Variants in BICRA observed in about 807,000 individuals in gnomAD.
The protein encoded by BICRA is BRD4 interacting chromatin remodeling complex associated protein, also known as BRD4-interacting chromatin-remodeling complex-associated protein.
In BICRA, 31 loss-of-function variants were observed where a neutral mutation model predicts 96.9. The ratio of observed to expected loss-of-function variants is 0.32; its 90% CI spans 0.24 to 0.43. BICRA has a LOEUF of 0.43. Ranked by LOEUF, BICRA falls within the 20% of genes least tolerant of loss-of-function variation. The pLI is 1.00. For synonymous variants in BICRA, 1,350 were observed against 1,071.8 expected (o/e 1.26, Z -5.07); for missense variants, 2,283 against 2,190.3 (o/e 1.04, Z -0.84).
In BICRA at chr19:47,701,582, G is replaced by A. The variant is rs756833296; in HGVS notation, c.3850G>A (p.Asp1284Asn). 3 of 1,554,990 alleles carry A rather than the reference G, an allele frequency of 1.9e-6. No homozygotes were observed. In the South Asian group the frequency reaches 3.6e-5, roughly 18 times the overall value. ...CTCTGCCGCCTCCTCCTTGGACGCC[G>A]ACGAGGACGGCCCCATGCCCTCCCG... is the stretch of plus-strand genomic sequence containing the variant. ...SSSAASSLDA[D>N]EDGPMPSRNR... Residue 1284 changes from aspartate to asparagine, a missense_variant, in exon 15 of 15, where the codon GAC becomes AAC. Coordinates refer to ENST00000594866, the MANE Select transcript of BICRA (RefSeq NM_001394372.1). The surrounding 1 kb of genome is among the most constrained non-coding windows in gnomAD (Gnocchi z 5.4).
At chr19:47,666,198 C>A (rs1193913270) in intron 1 of BICRA, among the ~76,000 whole-genome samples, 1 of 152,212 alleles carries the variant, frequency 6.6e-6, no homozygotes, top group Non-Finnish European at 1.5e-5. Flanking sequence ...GGATGGGAGC[C>A]TCAGAATCAG....
Position 47,680,703 on chromosome 19 carries a change from G to A in BICRA, c.1533G>A (p.Ala511=), listed in dbSNP as rs1373231341. ...AAPHTGGQLI[A]NPILTNQNLA... ...CCCACACAGGTGGACAGCTCATCGC[G>A]AACCCCATCCTCACAAACCAGAACC... Residue 511 remains alanine, a synonymous_variant, in exon 6 of 15, where the codon GCG becomes GCA. Coordinates refer to ENST00000594866, the MANE Select transcript of BICRA (RefSeq NM_001394372.1). 6.2e-7 allele frequency: 1 copy of A among 1,601,216 alleles called. No individual in the cohort carries two copies. Among genetic ancestry groups the A allele is most frequent in the East Asian group, 2.2e-5 (1 of 44,670 alleles).
chr19:47,682,720 G>A (rs1040390171), intron 7 of BICRA, among the ~76,000 whole-genome samples: 4 of 149,016 alleles, frequency 2.7e-5, no homozygotes, highest in African/African-American at 7.5e-5. Context: ...CACCCAGGCT[G>A]GAGTGCAGTG....
chr19:47,633,450 C>CCCTCTGCCTG (rs1972251991), intron 1 of BICRA, among the ~76,000 whole-genome samples: 1 of 151,998 alleles, frequency 6.6e-6, no homozygotes, highest in Non-Finnish European at 1.5e-5. Flanking sequence ...AGTATTCCTC[C>CCCTCTGCCTG]CCTCAGCCTC....
In BICRA at chr19:47,679,700, C is replaced by T; in HGVS notation, c.530C>T (p.Thr177Ile). 6.5e-7 allele frequency: 1 copy of T among 1,533,226 alleles called. No homozygotes were observed. 95.0% of individuals were successfully genotyped at this position (1,533,226 alleles called of 1,614,324 possible). A position where few individuals can be genotyped will look rare whatever the true frequency, so the allele number is the denominator to read the frequency against. Reference protein sequence around the residue: ...LGLQGPPTVLTHQALVPPQDV... With the variant: ...LGLQGPPTVLIHQALVPPQDV... ...CTGCAGGGCCCGCCTACCGTGCTGA[C>T]CCACCAGGCCCTGGTGCCGCCCCAG... Residue 177 changes from threonine (T) to isoleucine (I), a missense_variant, in exon 6 of 15, where the codon ACC becomes ATC. Physicochemically the swap from Thr to Ile is moderately conservative, Grantham distance 89. Transcript: ENST00000594866.
intron 5 of BICRA, 85 bp downstream of exon 5, chr19:47,676,001 G>A: frequency 3.3e-6 from 3 of 917,382 alleles, no homozygotes; most frequent in Non-Finnish European, 3.4e-6. Context: ...GGGAGGCTTG[G>A]GCTCATCTCG....
At chr19:47,638,198 G>GA (rs1289105049) in intron 1 of BICRA, among the ~76,000 whole-genome samples, 1 of 152,032 alleles carries the variant, frequency 6.6e-6, no homozygotes, top group Non-Finnish European at 1.5e-5. Flanking sequence ...AATTTCCAGG[G>GA]AGCCCGGGGT....
At chr19:47,634,856 G>C (rs1398772848) in intron 1 of BICRA, among the ~76,000 whole-genome samples, 1 of 146,232 alleles carries the variant, frequency 6.8e-6, no homozygotes, top group African/African-American at 2.6e-5. Context: ...TCTGCTTCCC[G>C]GGTTTACGCC....
chr19:47,615,358 T>A (rs1328289242), intron 1 of BICRA, among the ~76,000 whole-genome samples: 1 of 152,192 alleles, frequency 6.6e-6, no homozygotes, highest in African/African-American at 2.4e-5. Context: ...CCAGGCAGCA[T>A]CTCCAGGCTG....
chr19:47,611,909 T>A (rs913952647), intron 1 of BICRA, among the ~76,000 whole-genome samples: 3 of 151,858 alleles, frequency 2.0e-5, no homozygotes, highest in African/African-American at 4.8e-5. Context: ...CTCGCTGTGT[T>A]GCCCAGGCTG....
chr19:47,695,597 C>A, intron 10 of BICRA, 123 bp downstream of exon 10: 1 of 622,824 alleles, frequency 1.6e-6, no homozygotes, highest in Non-Finnish European at 2.9e-6. Flanking sequence ...GACCATCAGG[C>A]AGCTGAGACA....
chr19:47,621,170 C>T (rs927413889), intron 1 of BICRA, among the ~76,000 whole-genome samples: 4 of 152,110 alleles, frequency 2.6e-5, no homozygotes, highest in African/African-American at 9.7e-5. Flanking sequence ...GGAGTGGAAG[C>T]CAGACAGGGT....
intron 7 of BICRA, among the ~76,000 whole-genome samples, chr19:47,692,466 G>A (rs1254514862): frequency 1.3e-5 from 2 of 152,084 alleles, no homozygotes; most frequent in African/African-American, 4.8e-5. Context: ...CTGACCTCTG[G>A]TTATCTGCCC....
chr19:47,671,181 T>TG lies in BICRA; in HGVS notation c.-6+643dup, dbSNP rs576866925. ...TCAGCAAATATGCCCCAGCCCACTGTGGGGGGTCCCTGGTCAGGGCTCTTC... is the reference window on the plus strand; with the variant it reads ...TCAGCAAATATGCCCCAGCCCACTGTGGGGGGGTCCCTGGTCAGGGCTCTTC... On this transcript the variant is annotated intron_variant, in intron 2 of 14. Coordinates refer to ENST00000594866, the MANE Select transcript of BICRA (RefSeq NM_001394372.1). Among the ~76,000 whole-genome samples the TG allele has an allele frequency of 3.3e-5, 5 of 152,260 alleles. No homozygotes were observed. In the East Asian group the frequency reaches 7.7e-4, roughly 24 times the overall value.
intron 1 of BICRA, among the ~76,000 whole-genome samples, chr19:47,644,090 C>G (rs910784521): frequency 3.3e-5 from 5 of 152,168 alleles, no homozygotes; most frequent in African/African-American, 1.2e-4. Flanking sequence ...GGGATCATGG[C>G]TCACTGCAGC....
Position 47,695,450 on chromosome 19 carries a change from G to A in BICRA, c.3162G>A (p.Gly1054=). 1.3e-6 allele frequency: 2 copies of A among 1,580,972 alleles called. No individual in the cohort carries two copies. Among genetic ancestry groups the A allele is most frequent in the Non-Finnish European group, 1.7e-6 (2 of 1,158,588 alleles). ...TLNVAKAASS[G]PGKPSGLQYE... is the part of the protein sequence containing the mutation. ...ATGTGGCCAAGGCCGCTTCCTCCGG[G>A]CCAGGGAAGCCCTCCGGGCTGCAGG... The change falls in exon 10 of 15, where the codon GGG becomes GGA. Residue 1054 remains glycine (G), a synonymous_variant. Transcript: ENST00000594866.
At chr19:47,626,642 A>T (rs1972144293) in intron 1 of BICRA, among the ~76,000 whole-genome samples, 1 of 144,132 alleles carries the variant, frequency 6.9e-6, no homozygotes, top group Non-Finnish European at 1.5e-5. Context: ...TCCTGGGCTC[A>T]GGTGATCTGC....
intron 11 of BICRA, among the ~76,000 whole-genome samples, chr19:47,697,431 T>C (rs1470622781): frequency 2.0e-5 from 3 of 152,012 alleles, no homozygotes; most frequent in African/African-American, 7.2e-5. Context: ...ATATATATTG[T>C]GGAGACAAGG....
At chr19:47,670,863 G>C (rs890465667) in intron 2 of BICRA, among the ~76,000 whole-genome samples, 4 of 152,174 alleles carry the variant, frequency 2.6e-5, no homozygotes, top group Admixed American at 2.6e-4. Context: ...CATGGACCTG[G>C]TGACACAGGG....
Sources: gnomAD v4.1 joint callset for allele counts (sites outside exome capture counted in the v4.1 genomes callset) on GRCh38, gnomAD v4.1.1 for gene constraint, Gnocchi (gnomAD v3.1) non-coding constraint, MANE v1.5 for transcripts, NCBI Gene and HGNC (gene_info 2026-07-23, HGNC 2026-07-21) for gene names.